The following CSMD1 variants were observed in gnomAD, a reference collection of about 807,000 sequenced individuals.
The protein encoded by CSMD1 is CUB and sushi domain-containing protein 1.
In CSMD1, 213 loss-of-function variants were observed where a neutral mutation model predicts 417.5. That is an observed-to-expected ratio of 0.51 (90% CI 0.46 to 0.57). CSMD1 has a LOEUF of 0.57. Ranked by LOEUF, CSMD1 falls within the 20% of genes least tolerant of loss-of-function variation. CSMD1 has a pLI of 0.00. For missense variants in CSMD1, 6,923 were observed against 4,529.7 expected (o/e 1.53, Z -15.17); for synonymous variants, 2,862 against 1,736.8 (o/e 1.65, Z -16.11).
At chr8:3,549,532 G>C (rs1798820653) in intron 10 of CSMD1, among the ~76,000 whole-genome samples, 1 of 152,182 alleles carries the variant, frequency 6.6e-6, no homozygotes. Context: ...TTCTTGGATG[G>C]ATAAATTCAT....
intron 1 of CSMD1, among the ~76,000 whole-genome samples, chr8:4,655,072 G>A (rs1273173441): frequency 6.8e-6 from 1 of 147,854 alleles, no homozygotes; most frequent in Non-Finnish European, 1.5e-5. Context: ...TAAATCATTT[G>A]TCCATCAAAG....
At chr8:3,292,573 A>T (rs1313517601) in intron 25 of CSMD1, among the ~76,000 whole-genome samples, 1 of 152,164 alleles carries the variant, frequency 6.6e-6, no homozygotes, top group Non-Finnish European at 1.5e-5. Context: ...TCCCTTTACC[A>T]TTATGTAATG....
intron 1 of CSMD1, among the ~76,000 whole-genome samples, chr8:4,700,652 A>G (rs1807467356): frequency 6.6e-6 from 1 of 152,208 alleles, no homozygotes; most frequent in Admixed American, 6.5e-5. Flanking sequence ...AATGAAAGTA[A>G]CTGGACACAT....
intron 5 of CSMD1, among the ~76,000 whole-genome samples, chr8:3,835,296 T>A (rs1192555155): frequency 1.3e-5 from 2 of 152,022 alleles, no homozygotes; most frequent in Admixed American, 6.5e-5. Flanking sequence ...CTATTCACAA[T>A]AGCAAAGACT....
chr8:4,818,037 G>A (rs1261364771), intron 1 of CSMD1, among the ~76,000 whole-genome samples: 2 of 152,124 alleles, frequency 1.3e-5, no homozygotes, highest in South Asian at 2.1e-4. Flanking sequence ...ACAGTGACCA[G>A]CACTTTTTAT....
At chr8:3,469,763 A>G (rs1816980130) in intron 11 of CSMD1, among the ~76,000 whole-genome samples, 1 of 152,188 alleles carries the variant, frequency 6.6e-6, no homozygotes, top group Non-Finnish European at 1.5e-5. Context: ...AGAGCACCGG[A>G]TTCTTCAAAG....
At chr8:4,276,659 T>A (rs1585142701) in intron 3 of CSMD1, among the ~76,000 whole-genome samples, 1 of 152,188 alleles carries the variant, frequency 6.6e-6, no homozygotes, top group African/African-American at 2.4e-5. Context: ...AAGTCTTATT[T>A]TCCTTCTGGT....
chr8:3,913,023 G>T (rs746627173), intron 5 of CSMD1, among the ~76,000 whole-genome samples: 14 of 152,118 alleles, frequency 9.2e-5, no homozygotes, highest in Non-Finnish European at 1.8e-4. Context: ...ATGAGCTAAG[G>T]CGTGGAGAGA....
chr8:3,489,181 C>T (rs999848049), intron 11 of CSMD1, among the ~76,000 whole-genome samples: 7 of 152,092 alleles, frequency 4.6e-5, no homozygotes, highest in Non-Finnish European at 7.3e-5. Flanking sequence ...GGAGAAATGA[C>T]GTCTCAGCCA....
At chr8:4,144,535 C>T (rs753152468) in intron 3 of CSMD1, among the ~76,000 whole-genome samples, 1 of 151,068 alleles carries the variant, frequency 6.6e-6, no homozygotes, top group Non-Finnish European at 1.5e-5. Context: ...CCCCTTCCCT[C>T]CAGAATCTGG....
chr8:4,925,678 C>G lies in CSMD1; in HGVS notation c.85+68654G>C, dbSNP rs185066579. ...TCTCCTGCCTCAGCCTCCCAAGTAG[C>G]TGGGACTACAGGCGCCCGCCACCAC... On this transcript the variant is annotated intron_variant, in intron 1 of 69. Transcript: ENST00000635120. 2.5e-4 allele frequency among the ~76,000 whole-genome samples: 38 copies of G among 152,164 alleles called. 1 individual carries two copies. In the East Asian group the frequency reaches 7.2e-3, roughly 29 times the overall value.
chr8:3,837,555 T>G (rs1190287122), intron 5 of CSMD1, among the ~76,000 whole-genome samples: 2 of 152,098 alleles, frequency 1.3e-5, no homozygotes, highest in Non-Finnish European at 2.9e-5. Context: ...AAGATAACAT[T>G]ACCAATAATG....
chr8:3,946,472 C>T (rs1375948260), intron 5 of CSMD1, among the ~76,000 whole-genome samples: 1 of 152,104 alleles, frequency 6.6e-6, no homozygotes, highest in Non-Finnish European at 1.5e-5. Flanking sequence ...TGTAAGTCCT[C>T]CCACTTTGTT....
At chr8:3,333,861 A>G (rs932797179) in intron 23 of CSMD1, among the ~76,000 whole-genome samples, 5 of 152,206 alleles carry the variant, frequency 3.3e-5, no homozygotes, top group African/African-American at 1.2e-4. Flanking sequence ...TAAAACAGCA[A>G]TGCTTACACA....
intron 1 of CSMD1, among the ~76,000 whole-genome samples, chr8:4,920,483 T>C (rs1806361956): frequency 6.6e-6 from 1 of 152,170 alleles, no homozygotes; most frequent in African/African-American, 2.4e-5. Flanking sequence ...AGATCATTTT[T>C]CTCAGGAATC....
intron 7 of CSMD1, among the ~76,000 whole-genome samples, chr8:3,691,356 G>C (rs933815505): frequency 6.6e-6 from 1 of 150,832 alleles, no homozygotes; most frequent in African/African-American, 2.5e-5. Context: ...GACAGAGCAA[G>C]ACTCTGTCTC....
intron 29 of CSMD1, among the ~76,000 whole-genome samples, chr8:3,216,838 C>G (rs1047824303): frequency 1.3e-5 from 2 of 152,236 alleles, no homozygotes; most frequent in Non-Finnish European, 2.9e-5. Flanking sequence ...CCTGGTGTTC[C>G]TTCTATTTCC....
intron 10 of CSMD1, among the ~76,000 whole-genome samples, chr8:3,541,293 G>A (rs920514647): frequency 6.6e-6 from 1 of 152,090 alleles, no homozygotes; most frequent in Non-Finnish European, 1.5e-5. Context: ...ACCAAATACT[G>A]CATGTTCTCA....
chr8:4,076,508 A>G (rs919895078), intron 3 of CSMD1, among the ~76,000 whole-genome samples: 1 of 152,234 alleles, frequency 6.6e-6, no homozygotes, highest in East Asian at 1.9e-4. Context: ...AAATGTAAGT[A>G]TATATGAACA....
Sources: gnomAD v4.1 joint callset for allele counts (sites outside exome capture counted in the v4.1 genomes callset) on GRCh38, gnomAD v4.1.1 for gene constraint, MANE v1.5 for transcripts, NCBI Gene and HGNC (gene_info 2026-07-23, HGNC 2026-07-21) for gene names.